Variants in PDGFC observed in about 807,000 individuals in gnomAD.
PDGFC encodes platelet-derived growth factor C.
Under a neutral mutation model 35.5 loss-of-function variants are expected in PDGFC, and 12 were observed. That is an observed-to-expected ratio of 0.34 (90% CI 0.22 to 0.55). The LOEUF is 0.55. Among genes scored for constraint, PDGFC ranks in the 20% least tolerant of loss-of-function variants. PDGFC has a pLI of 0.91. For missense variants in PDGFC, 322 were observed against 412.4 expected (o/e 0.78, Z 1.90); for synonymous variants, 159 against 148.8 (o/e 1.07, Z -0.50).
chr4:156,904,464 A>C (rs1730866739), intron 1 of PDGFC, among the ~76,000 whole-genome samples: 1 of 152,120 alleles, frequency 6.6e-6, no homozygotes, highest in Non-Finnish European at 1.5e-5. Flanking sequence ...TCTCTTGTCC[A>C]TAGAAATTTA....
At chr4:156,781,846 T>C (rs1361109067) in intron 3 of PDGFC, among the ~76,000 whole-genome samples, 2 of 152,162 alleles carry the variant, frequency 1.3e-5, no homozygotes, top group African/African-American at 4.8e-5. Flanking sequence ...ATTTTAAAAA[T>C]TTAATAAACA....
chr4:156,840,051 G>T lies in PDGFC; in HGVS notation c.314+10170C>A, dbSNP rs148281259. ...AAATTTGCAGCCTGACAATGCAGTAGAAAAGAAAAACCTACTTTCTGAAGA... is the reference window on the plus strand; with the variant it reads ...AAATTTGCAGCCTGACAATGCAGTATAAAAGAAAAACCTACTTTCTGAAGA... On this transcript the variant is annotated intron_variant, in intron 2 of 5. Transcript: ENST00000502773. 5.3e-4 allele frequency among the ~76,000 whole-genome samples: 80 copies of T among 152,258 alleles called. 1 individual carries two copies. In the East Asian group the frequency reaches 0.015, roughly 28 times the overall value.
chr4:156,877,953 T>C (rs1352893517), intron 1 of PDGFC, among the ~76,000 whole-genome samples: 1 of 152,182 alleles, frequency 6.6e-6, no homozygotes, highest in African/African-American at 2.4e-5. Context: ...TAACATGTTA[T>C]CCTTGTCTCT....
intron 1 of PDGFC, among the ~76,000 whole-genome samples, chr4:156,917,478 TC>T (rs1731179794): frequency 6.6e-6 from 1 of 152,204 alleles, no homozygotes; most frequent in Admixed American, 6.5e-5. Context: ...TGGAAGCCTT[TC>T]CCTGTCACAA....
chr4:156,807,348 G>T (rs2110933543), intron 3 of PDGFC, among the ~76,000 whole-genome samples: 1 of 151,968 alleles, frequency 6.6e-6, no homozygotes, highest in East Asian at 1.9e-4. Context: ...TGAAAAAATG[G>T]AGAGAGAAAT....
intron 3 of PDGFC, among the ~76,000 whole-genome samples, chr4:156,776,799 T>C (rs1161539793): frequency 6.6e-6 from 1 of 152,194 alleles, no homozygotes; most frequent in Non-Finnish European, 1.5e-5. Context: ...ATCCCAGAGA[T>C]ACTCACATGT....
intron 1 of PDGFC, among the ~76,000 whole-genome samples, chr4:156,965,120 A>G (rs1732435253): frequency 6.6e-6 from 1 of 152,200 alleles, no homozygotes; most frequent in African/African-American, 2.4e-5. Context: ...TCTGATTGGC[A>G]CAACCATCAC....
chr4:156,926,638 C>T (rs1731421076), intron 1 of PDGFC, among the ~76,000 whole-genome samples: 1 of 152,220 alleles, frequency 6.6e-6, no homozygotes, highest in Non-Finnish European at 1.5e-5. Flanking sequence ...CCTTTGACTC[C>T]ATGTCTCACA....
intron 3 of PDGFC, among the ~76,000 whole-genome samples, chr4:156,782,907 T>C (rs1489186702): frequency 1.3e-5 from 2 of 152,172 alleles, no homozygotes; most frequent in Non-Finnish European, 2.9e-5. Context: ...ATATGAATAA[T>C]ATAGCCATTG....
intron 2 of PDGFC, among the ~76,000 whole-genome samples, chr4:156,845,082 C>A (rs1276503536): frequency 6.6e-6 from 1 of 151,718 alleles, no homozygotes; most frequent in Non-Finnish European, 1.5e-5. Flanking sequence ...ACTTAGAAAT[C>A]TGTAACTGCA....
At chr4:156,909,622 T>C (rs1730993670) in intron 1 of PDGFC, among the ~76,000 whole-genome samples, 1 of 152,206 alleles carries the variant, frequency 6.6e-6, no homozygotes, top group African/African-American at 2.4e-5. Context: ...TACACACATG[T>C]ATTTCCACAA....
At position 156,922,155 on chromosome 4, in the gene PDGFC, A is replaced by AGTGTGTGTGT. The variant is rs3070262; in HGVS notation, c.118+48621_118+48630dup. On this transcript the variant is annotated intron_variant, in intron 1 of 5. Coordinates refer to ENST00000502773, the MANE Select transcript of PDGFC (RefSeq NM_016205.3). ...TTGTGCCTATCTCACAAGGATTCAT[A>AGTGTGTGTGT]GTGTGTGTGTGTGTGTGTGTGTGTG... is the stretch of plus-strand genomic sequence containing the variant. 2.4e-3 allele frequency among the ~76,000 whole-genome samples: 346 copies of AGTGTGTGTGT among 145,362 alleles called. 1 individual carries two copies. Among genetic ancestry groups the AGTGTGTGTGT allele is most frequent in the African/African-American group, 7.0e-3 (279 of 39,720 alleles).
At chr4:156,788,726 C>G (rs1009673264) in intron 3 of PDGFC, among the ~76,000 whole-genome samples, 11 of 152,186 alleles carry the variant, frequency 7.2e-5, no homozygotes, top group African/African-American at 2.7e-4. Context: ...TATGAATGCT[C>G]ATGCAACAAA....
intron 2 of PDGFC, among the ~76,000 whole-genome samples, chr4:156,828,391 C>A (rs907274766): frequency 6.6e-6 from 1 of 152,058 alleles, no homozygotes. Flanking sequence ...AGATGAGATC[C>A]GGCATCAAGA....
intron 1 of PDGFC, among the ~76,000 whole-genome samples, chr4:156,936,368 C>T (rs1190480447): frequency 6.6e-6 from 1 of 152,136 alleles, no homozygotes; most frequent in Non-Finnish European, 1.5e-5. Context: ...GTCTCTCTCC[C>T]CCTTGGCCTC....
chr4:156,909,295 CTAAAA>C (rs759056761), intron 1 of PDGFC, among the ~76,000 whole-genome samples: 2 of 152,004 alleles, frequency 1.3e-5, no homozygotes, highest in African/African-American at 2.4e-5. Context: ...CAAGAAATTC[CTAAAA>C]TAAAGTGAAA....
chr4:156,936,088 C>A (rs2110892330), intron 1 of PDGFC, among the ~76,000 whole-genome samples: 1 of 152,338 alleles, frequency 6.6e-6, no homozygotes. Flanking sequence ...TAAGCACTCT[C>A]TTTGGTTGGT....
chr4:156,791,229 G>T (rs894802583), intron 3 of PDGFC, among the ~76,000 whole-genome samples: 1 of 152,132 alleles, frequency 6.6e-6, no homozygotes, highest in Non-Finnish European at 1.5e-5. Flanking sequence ...AATTTTAAGA[G>T]TGCTTACTAT....
chr4:156,844,054 C>T (rs531295548), intron 2 of PDGFC, among the ~76,000 whole-genome samples: 16 of 152,132 alleles, frequency 1.1e-4, no homozygotes, highest in Non-Finnish European at 2.4e-4. Context: ...AAAAATTCAT[C>T]TTAGACCAAA....
Sources: gnomAD v4.1 joint callset for allele counts (sites outside exome capture counted in the v4.1 genomes callset) on GRCh38, gnomAD v4.1.1 for gene constraint, MANE v1.5 for transcripts, NCBI Gene and HGNC (gene_info 2026-07-23, HGNC 2026-07-21) for gene names.